BRAP: variants seen among roughly 807,000 people sequenced by gnomAD.
The protein encoded by BRAP is BRCA1-associated protein.
A neutral mutation model predicts 73.4 loss-of-function variants in BRAP; 42 were observed. The observed-to-expected ratio is 0.57, with a 90% CI of 0.45 to 0.74. The LOEUF is 0.74. BRAP is among the 30% of genes least tolerant of loss of function. The pLI is 0.00. For synonymous variants in BRAP, 255 were observed against 267.4 expected (o/e 0.95, Z 0.45); for missense variants, 593 against 751.4 (o/e 0.79, Z 2.46).
intron 11 of BRAP, among the ~76,000 whole-genome samples, chr12:111,649,021 C>CA (rs1157535506): frequency 6.6e-6 from 1 of 151,802 alleles, no homozygotes. Context: ...ACAACAACAA[C>CA]AAAAAAAACC....
At chr12:111,685,537 A>C in intron 1 of BRAP, 174 bp downstream of exon 1, 1 of 1,328,504 alleles carries the variant, frequency 7.5e-7, no homozygotes, top group Non-Finnish European at 9.7e-7. Flanking sequence ...CTGAGATAAC[A>C]AACGGGAAGG....
At chr12:111,670,780 G>A (rs7967280) in intron 5 of BRAP, among the ~76,000 whole-genome samples, 1 of 151,956 alleles carries the variant, frequency 6.6e-6, no homozygotes, top group Non-Finnish European at 1.5e-5. Flanking sequence ...ATGAGACATC[G>A]CATCTGGCCC....
chr12:111,680,494 C>T (rs895209622), intron 3 of BRAP, among the ~76,000 whole-genome samples: 3 of 149,366 alleles, frequency 2.0e-5, no homozygotes, highest in Non-Finnish European at 3.0e-5. Flanking sequence ...GTTAGGAGTT[C>T]GAGACCAGCC....
chr12:111,652,758 T>G (rs1886376495), intron 10 of BRAP, among the ~76,000 whole-genome samples: 1 of 152,100 alleles, frequency 6.6e-6, no homozygotes, highest in East Asian at 1.9e-4. Flanking sequence ...TTGCCCAGGC[T>G]GGAATGCAGT....
chr12:111,681,632 C>A lies in BRAP; in HGVS notation c.443+5G>T. On this transcript the variant is annotated splice_donor_5th_base_variant and intron_variant, in intron 3 of 11. Coordinates refer to ENST00000419234, the MANE Select transcript of BRAP (RefSeq NM_006768.5). ...CTAACCCCCAAGAAAAGAGGGTTTT[C>A]TTACTTTGTCTTATATAGGTGCATA... 6.8e-7 allele frequency: 1 copy of A among 1,476,676 alleles called. No homozygotes were observed. Among genetic ancestry groups the A allele is most frequent in the African/African-American group, 1.4e-5 (1 of 69,696 alleles). The allele number at this position is 1,476,676 out of a possible 1,614,324, so 91.5% of individuals were successfully genotyped here.
chr12:111,662,945 T>TAA (rs76679225), intron 6 of BRAP, among the ~76,000 whole-genome samples: 75 of 115,004 alleles, frequency 6.5e-4, no homozygotes, highest in Non-Finnish European at 7.5e-4. Context: ...AAAGCCCTTC[T>TAA]AAAAAAAAAA....
At chr12:111,658,654 C>T (rs1886622951) in intron 9 of BRAP, 82 bp downstream of exon 9, 3 of 1,140,894 alleles carry the variant, frequency 2.6e-6, no homozygotes, top group Non-Finnish European at 3.8e-6. Context: ...AAATGTACAT[C>T]CAGGTAAATG....
At chr12:111,649,908 T>G (rs773768581) in intron 11 of BRAP, 31 bp downstream of exon 11, 4 of 1,438,854 alleles carry the variant, frequency 2.8e-6, no homozygotes, top group Non-Finnish European at 1.9e-6. Flanking sequence ...TTATAGAGCC[T>G]GTTACAACAG....
chr12:111,680,263 T>C (rs1305665090), intron 3 of BRAP, among the ~76,000 whole-genome samples: 3 of 151,908 alleles, frequency 2.0e-5, no homozygotes, highest in African/African-American at 7.3e-5. Context: ...AAGAGAGAAT[T>C]CTAAACCATG....
intron 11 of BRAP, 76 bp from the exon 12 acceptor site, chr12:111,644,638 C>G: frequency 1.3e-6 from 2 of 1,548,876 alleles, no homozygotes; most frequent in Admixed American, 1.9e-5. Flanking sequence ...TGGGATTGAA[C>G]AGAGAAACCA....
chr12:111,652,970 A>G (rs1261867506), intron 10 of BRAP, among the ~76,000 whole-genome samples: 1 of 152,120 alleles, frequency 6.6e-6, no homozygotes, highest in Non-Finnish European at 1.5e-5. Flanking sequence ...TGGTCTCCCA[A>G]AGTGCTGGGA....
intron 11 of BRAP, among the ~76,000 whole-genome samples, chr12:111,648,567 G>A (rs149256256): frequency 1.3e-3 from 179 of 142,108 alleles, no homozygotes; most frequent in African/African-American, 4.6e-3. Context: ...AACTGAGATC[G>A]CTCCACTGTA....
chr12:111,683,595 C>T lies in BRAP; in HGVS notation c.83-288G>A, dbSNP rs527498030. On this transcript the variant is annotated intron_variant, in intron 1 of 11. Coordinates refer to ENST00000419234, the MANE Select transcript of BRAP (RefSeq NM_006768.5). ...TCACTCTGTCACCCAGGCTGGAGTG[C>T]AGTGGTGTGATCTTGGCTCACTGCA... 5.9e-5 allele frequency among the ~76,000 whole-genome samples: 9 copies of T among 152,260 alleles called. No homozygotes were observed. The South Asian group carries it at 1.9e-3, about 32-fold the overall frequency.
chr12:111,660,552 G>T, intron 7 of BRAP, 48 bp downstream of exon 7: 1 of 1,496,150 alleles, frequency 6.7e-7, no homozygotes, highest in South Asian at 1.3e-5. Context: ...GAAAACTCAT[G>T]ACAATTAAAG....
chr12:111,683,580 A>G (rs1373114897), intron 1 of BRAP, among the ~76,000 whole-genome samples: 1 of 152,110 alleles, frequency 6.6e-6, no homozygotes, highest in African/African-American at 2.4e-5. Context: ...TCACTCTGTC[A>G]CCCAGGCTGG....
In BRAP at chr12:111,683,271, G is replaced by A; in HGVS notation, c.119C>T (p.Thr40Ile). The part of the protein sequence containing the change: ...EMSDEEIKKT[T>I]LASAVACLEG... ...TAAACAGGCTACAGCTGAGGCTAGT[G>A]TCGTCTTTTTTATCTCCTCATCAGA... Residue 40 changes from threonine (T) to isoleucine (I), a missense_variant, in exon 2 of 12, where the codon ACA becomes ATA. Transcript: ENST00000419234. 2 of 1,612,968 alleles carry A rather than the reference G, an allele frequency of 1.2e-6. No individual in the cohort carries two copies. Among genetic ancestry groups the A allele is most frequent in the Non-Finnish European group, 1.7e-6 (2 of 1,179,738 alleles).
chr12:111,646,921 T>C (rs1886131612), intron 11 of BRAP, among the ~76,000 whole-genome samples: 1 of 152,172 alleles, frequency 6.6e-6, no homozygotes, highest in Non-Finnish European at 1.5e-5. Flanking sequence ...CTTATAGTAG[T>C]GTGAGATTTG....
At chr12:111,658,355 CA>C (rs1381076273) in intron 9 of BRAP, among the ~76,000 whole-genome samples, 1 of 151,312 alleles carries the variant, frequency 6.6e-6, no homozygotes, top group African/African-American at 2.4e-5. Context: ...AGCTGGAGTG[CA>C]ATGACCCGAT....
intron 4 of BRAP, among the ~76,000 whole-genome samples, chr12:111,674,525 G>A (rs1442282712): frequency 1.3e-5 from 2 of 152,198 alleles, no homozygotes; most frequent in East Asian, 3.8e-4. Flanking sequence ...TTACAGGCGT[G>A]AGCCACCGCG....
Sources: gnomAD v4.1 joint callset for allele counts (sites outside exome capture counted in the v4.1 genomes callset) on GRCh38, gnomAD v4.1.1 for gene constraint, MANE v1.5 for transcripts, NCBI Gene and HGNC (gene_info 2026-07-23, HGNC 2026-07-21) for gene names.